Variants in MADD observed in about 807,000 individuals in gnomAD.
MADD encodes MAP kinase activating death domain.
In MADD, 109 loss-of-function variants were observed where a neutral mutation model predicts 176.7. That is an observed-to-expected ratio of 0.62 (90% CI 0.53 to 0.72). The LOEUF (loss-of-function observed/expected upper bound fraction) is 0.72, where lower values mean the gene tolerates loss of function less well. MADD is among the 30% of genes least tolerant of loss of function. The pLI is 0.00. For missense variants in MADD, 1,914 were observed against 2,045.5 expected (o/e 0.94, Z 1.24); for synonymous variants, 771 against 771.3 (o/e 1.00, Z 0.01).
At chr11:47,278,435 C>T (rs1050816003) in intron 6 of MADD, among the ~76,000 whole-genome samples, 157 bp downstream of exon 6, 21 of 152,130 alleles carry the variant, frequency 1.4e-4, no homozygotes, top group Non-Finnish European at 2.9e-4. Context: ...TTAAATGCTC[C>T]TTTTACCTTA....
chr11:47,324,833 C>A (rs1393001634), intron 30 of MADD: 2 of 647,864 alleles, frequency 3.1e-6, no homozygotes, highest in Non-Finnish European at 5.6e-6. Flanking sequence ...CCACGCTGCC[C>A]CATCCGTTGG....
At chr11:47,285,351 C>G in intron 13 of MADD, 100 bp from the exon 14 acceptor site, 2 of 1,561,980 alleles carry the variant, frequency 1.3e-6, no homozygotes, top group East Asian at 2.2e-5. Flanking sequence ...TTAGGAATTA[C>G]GGGAAGGGAG....
At chr11:47,295,406 G>A in intron 20 of MADD, 90 bp from the exon 23 acceptor site, 1 of 1,013,394 alleles carries the variant, frequency 9.9e-7, no homozygotes, top group South Asian at 1.3e-5. Context: ...AGAAGGGTGG[G>A]GATGAGGAGA....
Position 47,276,055 on chromosome 11 carries a change from AC to A in MADD, c.820del (p.Gln274LysfsTer7), listed in dbSNP as rs1349454542. ...AGAAGCGAGTAGACATCGAGGTCCT[AC>A]CCCAAGAGCTCCAGCCAGCTCTGAC... On this transcript the variant is annotated frameshift_variant, in exon 4 of 33. Coordinates refer to ENST00000402192, the Ensembl canonical transcript of MADD. LOFTEE classifies it high-confidence loss of function. 1 of 1,613,952 alleles carries A rather than the reference AC, an allele frequency of 6.2e-7. No homozygotes were observed. The highest frequency in any genetic ancestry group is 8.5e-7 in the Non-Finnish European group (1 of 1,180,010).
At chr11:47,303,533 C>T (rs557846704) in intron 22 of MADD, among the ~76,000 whole-genome samples, 11 of 147,818 alleles carry the variant, frequency 7.4e-5, no homozygotes, top group African/African-American at 1.7e-4. Flanking sequence ...CCACTGCACC[C>T]GGCCTTCTCT....
At chr11:47,328,383 C>T in intron 31 of MADD, 1 of 1,372,740 alleles carries the variant, frequency 7.3e-7, no homozygotes, top group Non-Finnish European at 9.4e-7. Context: ...CCAGGGCTTT[C>T]AAAGAAGTGG....
intron 7 of MADD, 145 bp downstream of exon 7, chr11:47,279,224 TC>T: frequency 1.4e-6 from 1 of 692,486 alleles, no homozygotes; most frequent in Non-Finnish European, 2.5e-6. Flanking sequence ...AAAACGCGTA[TC>T]CCATTTCTGG....
chr11:47,328,416 A>G (rs2142630862), intron 31 of MADD: 2 of 1,421,028 alleles, frequency 1.4e-6, no homozygotes, highest in Non-Finnish European at 1.8e-6. Context: ...CCATCAAGTA[A>G]ACGCCACTGC....
At chr11:47,318,764 T>TGCCATGC (rs2093740707) in intron 27 of MADD, among the ~76,000 whole-genome samples, 1 of 151,222 alleles carries the variant, frequency 6.6e-6, no homozygotes, top group Non-Finnish European at 1.5e-5. Flanking sequence ...GCTTTTTGCA[T>TGCCATGC]GATCAACTGG....
At chr11:47,277,010 CT>C (rs2050581964) in intron 5 of MADD, 147 bp downstream of exon 5, 1 of 1,013,810 alleles carries the variant, frequency 9.9e-7, no homozygotes, top group Non-Finnish European at 1.4e-6. Context: ...TTGAACTGAT[CT>C]GGTGGCAAGG....
chr11:47,324,250 C>T lies in MADD; in HGVS notation c.4363-15C>T, dbSNP rs768513184. On this transcript the variant is annotated splice_polypyrimidine_tract_variant and intron_variant, in intron 28 of 32. Coordinates refer to ENST00000402192, the Ensembl canonical transcript of MADD. ...ACAGCCCTCATGATGGGACCACTCT[C>T]CCCCTGTGCCACAGTGTCGGGAGCT... The T allele has an allele frequency of 1.2e-6, 2 of 1,613,034 alleles. No homozygotes were observed. The highest frequency in any genetic ancestry group is 2.2e-5 in the South Asian group (2 of 91,034).
At chr11:47,283,573 G>GTA (rs2058587987) in intron 10 of MADD, among the ~76,000 whole-genome samples, 1 of 151,652 alleles carries the variant, frequency 6.6e-6, no homozygotes, top group South Asian at 2.1e-4. Flanking sequence ...GCTAATTTTT[G>GTA]TATATATATA....
At chr11:47,271,506 A>C (rs1188153250) in intron 1 of MADD, among the ~76,000 whole-genome samples, 1 of 152,142 alleles carries the variant, frequency 6.6e-6, no homozygotes, top group Non-Finnish European at 1.5e-5. Context: ...TTCGTCAGAT[A>C]GTTGTCAGTG....
chr11:47,274,690 G>A (rs769544556), exon 3 of MADD: 15 of 1,614,206 alleles, frequency 9.3e-6, no homozygotes, highest in Middle Eastern at 3.3e-4. Flanking sequence ...CTGCCTGAGC[G>A]TGCGGCAGCG....
At chr11:47,292,189 A>G (rs914002473) in intron 19 of MADD, among the ~76,000 whole-genome samples, 2 of 152,118 alleles carry the variant, frequency 1.3e-5, no homozygotes, top group African/African-American at 4.8e-5. Flanking sequence ...GGGAGTTTAA[A>G]TGGATCCTAA....
Position 47,278,274 on chromosome 11 carries a change from A to G in MADD, c.1205A>G (p.Asn402Ser), listed in dbSNP as rs981478499. The change falls in exon 6 of 33, where the codon AAT becomes AGT. Residue 402 changes from asparagine to serine, a missense_variant. This residue lies in a region of MADD where 1,767 missense variants were observed against 1,836.0 expected (regional missense o/e 0.96). Coordinates refer to ENST00000402192, the Ensembl canonical transcript of MADD. ...GTATGGCTAGTGGATCTGGACAGCAATAGGGTGAGGTTCTTGGCTGAGGCA... is the reference window on the plus strand; with the variant it reads ...GTATGGCTAGTGGATCTGGACAGCAGTAGGGTGAGGTTCTTGGCTGAGGCA... The G allele has an allele frequency of 1.9e-6, 3 of 1,610,824 alleles. No homozygotes were observed. The highest frequency in any genetic ancestry group is 1.7e-5 in the Admixed American group (1 of 60,022).
intron 22 of MADD, among the ~76,000 whole-genome samples, chr11:47,300,456 CG>C (rs60562402): frequency 0.3 from 43,663 of 145,306 alleles, 7,548 homozygotes; most frequent in East Asian, 0.63. Context: ...ATCTACCCCC[CG>C]CCCGCCCCAA....
chr11:47,284,334 G>A, intron 11 of MADD, 41 bp from the exon 12 acceptor site: 1 of 1,614,028 alleles, frequency 6.2e-7, no homozygotes, highest in Non-Finnish European at 8.5e-7. Flanking sequence ...GGGGGCCCAA[G>A]GATGGAGTGG....
chr11:47,323,408 AAAAG>A (rs1392173363), intron 27 of MADD, among the ~76,000 whole-genome samples: 2 of 152,076 alleles, frequency 1.3e-5, no homozygotes, highest in African/African-American at 2.4e-5. Context: ...AAAAAAAAAA[AAAAG>A]AGGTAATAAA....
Sources: allele counts gnomAD v4.1 joint callset (sites outside exome capture counted in the v4.1 genomes callset), GRCh38; gene constraint gnomAD v4.1.1; regional missense constraint gnomAD v4.1.1; transcripts MANE v1.5; gene names NCBI Gene and HGNC (gene_info 2026-07-23, HGNC 2026-07-21).